ZNF516: variants seen among roughly 807,000 people sequenced by gnomAD.
ZNF516 encodes the protein zinc finger protein 516.
Under a neutral mutation model 79.7 loss-of-function variants are expected in ZNF516, and 19 were observed. That is an observed-to-expected ratio of 0.24 (90% CI 0.17 to 0.35). The LOEUF is 0.35. ZNF516 is among the 10% of genes least tolerant of loss of function. The pLI, the probability that ZNF516 is intolerant of heterozygous loss-of-function variation, is 1.00. For synonymous variants in ZNF516, 877 were observed against 739.5 expected, an observed-to-expected ratio of 1.19 and a Z score of -3.02; for missense variants, 1,678 against 1,679.5, an observed-to-expected ratio of 1.00 and a Z score of 0.02.
chr18:76,494,347 A>C (rs1599178784), intron 1 of ZNF516, among the ~76,000 whole-genome samples: 2 of 119,584 alleles, frequency 1.7e-5, no homozygotes, highest in African/African-American at 6.5e-5. Context: ...TCCTTCATAC[A>C]CCCGGGTTCA....
At chr18:76,415,513 G>A (rs1300985017) in intron 3 of ZNF516, among the ~76,000 whole-genome samples, 2 of 152,132 alleles carry the variant, frequency 1.3e-5, no homozygotes, top group African/African-American at 4.8e-5. Flanking sequence ...GTGCAAAGAG[G>A]GCACAGCCAG....
At chr18:76,495,865 C>T (rs569976303), upstream of ZNF516, 69 of 556,200 alleles carry the variant, frequency 1.2e-4, no homozygotes, top group South Asian at 1.8e-3. Flanking sequence ...TGTTCAGATG[C>T]AGGATCAATA....
chr18:76,456,030 G>A (rs1395323039), intron 2 of ZNF516, among the ~76,000 whole-genome samples: 1 of 152,206 alleles, frequency 6.6e-6, no homozygotes, highest in Non-Finnish European at 1.5e-5. Flanking sequence ...GGTATCGTCT[G>A]TAACTCAAGG....
intron 5 of ZNF516, 92 bp downstream of exon 5, chr18:76,371,375 G>T: frequency 7.7e-7 from 1 of 1,300,688 alleles, no homozygotes; most frequent in Non-Finnish European, 1.1e-6. Flanking sequence ...TGAAATCTCA[G>T]TATCTCCCTC....
intron 6 of ZNF516, among the ~76,000 whole-genome samples, chr18:76,367,739 G>A (rs543146995): frequency 6.6e-6 from 1 of 152,326 alleles, no homozygotes; most frequent in South Asian, 2.1e-4. Flanking sequence ...TTTTGAACCA[G>A]AGAAGCAGGA....
chr18:76,477,077 G>A (rs572389916), intron 1 of ZNF516, among the ~76,000 whole-genome samples: 12 of 152,294 alleles, frequency 7.9e-5, no homozygotes, highest in African/African-American at 2.9e-4. Context: ...CCAAAGCACT[G>A]TTTTTGCTGA....
chr18:76,380,444 G>C, intron 3 of ZNF516, 141 bp from the exon 4 acceptor site: 1 of 1,100,206 alleles, frequency 9.1e-7, no homozygotes. Flanking sequence ...GTGGCTCTTA[G>C]AAAACCCCTG....
chr18:76,465,861 G>C (rs1245959062), intron 1 of ZNF516, among the ~76,000 whole-genome samples: 1 of 152,316 alleles, frequency 6.6e-6, no homozygotes, highest in African/African-American at 2.4e-5. Context: ...GGAGCCATCA[G>C]GGACCAGCAG....
intron 3 of ZNF516, among the ~76,000 whole-genome samples, chr18:76,424,379 G>T (rs1464897539): frequency 2.7e-5 from 2 of 74,652 alleles, no homozygotes; most frequent in Non-Finnish European, 6.0e-5. Flanking sequence ...GCAGGTGAAA[G>T]GGTCCCCCCC....
intron 1 of ZNF516, among the ~76,000 whole-genome samples, chr18:76,483,865 C>G (rs865913560): frequency 6.6e-6 from 1 of 152,216 alleles, no homozygotes; most frequent in East Asian, 1.9e-4. Context: ...AGATTTTCCA[C>G]GTTCCTCCTT....
intron 3 of ZNF516, among the ~76,000 whole-genome samples, chr18:76,419,224 C>G (rs549714499): frequency 1.3e-5 from 2 of 152,286 alleles, no homozygotes; most frequent in South Asian, 4.1e-4. Flanking sequence ...AACAAAAGCT[C>G]AAATGTATTA....
At chr18:76,469,181 GA>G (rs1206824601) in intron 1 of ZNF516, among the ~76,000 whole-genome samples, 2 of 152,332 alleles carry the variant, frequency 1.3e-5, no homozygotes, top group East Asian at 3.8e-4. Context: ...TTTACTGGAA[GA>G]AAGTTTTTGC....
chr18:76,360,637 A>AAAAAAAAAT lies in ZNF516; in HGVS notation c.*1860_*1861insATTTTTTTT, dbSNP rs1156295923. On this transcript the variant is annotated 3_prime_UTR_variant, in exon 7 of 7. Transcript: ENST00000443185. ...GAATATCAGAAAAAAATAAGTAAAAAAAAAAAAAAATATATATATATATAT... is the reference window on the plus strand; with the variant it reads ...GAATATCAGAAAAAAATAAGTAAAAAAAAAAAAATAAAAAAAAAATATATATATATATAT... The AAAAAAAAAT allele has an allele frequency of 4.7e-5, 5 of 106,590 alleles. No individual in the cohort carries two copies. In the East Asian group the frequency reaches 7.1e-4, roughly 15 times the overall value. The allele number at this position is 106,590 out of a possible 1,614,324, so 6.6% of individuals were successfully genotyped here.
rs374836539 is a variant in ZNF516, at chr18:76,379,775, C to T, written c.2339G>A (p.Arg780His). Residue 780 changes from arginine (R) to histidine (H), a missense_variant, in exon 4 of 7, where the codon CGC becomes CAC. By Grantham distance (29) the Arg-to-His change is conservative. Transcript: ENST00000443185. ...GTTGCAGCTGACGCGGTGCCAGATGCGTTTGTGCATCCACAGGACCTCGGG... is the reference window on the plus strand; with the variant it reads ...GTTGCAGCTGACGCGGTGCCAGATGTGTTTGTGCATCCACAGGACCTCGGG... ...YYPEVLWMHKRIWHRVSCNSV... is the reference protein window; with the variant it reads ...YYPEVLWMHKHIWHRVSCNSV... 2.0e-5 allele frequency: 33 copies of T among 1,613,758 alleles called. No individual in the cohort carries two copies. The highest frequency in any genetic ancestry group is 1.6e-4 in the Middle Eastern group (1 of 6,084).
At position 76,383,832 on chromosome 18, in the gene ZNF516, G is replaced by A. The variant is rs143768518; in HGVS notation, c.1811-3529C>T. On this transcript the variant is annotated intron_variant, in intron 3 of 6. Transcript: ENST00000443185. Reference sequence around the variant, plus strand: ...ATCATCAGTAAGCCACAGAACAGACGGCTTCGCCCCTCGTCCCCGGCTCCT... The same window carrying A: ...ATCATCAGTAAGCCACAGAACAGACAGCTTCGCCCCTCGTCCCCGGCTCCT... Among the ~76,000 whole-genome samples, 269 of 152,338 alleles carry A rather than the reference G, an allele frequency of 1.8e-3. 2 individuals carry two copies. The highest frequency in any genetic ancestry group is 1.9e-3 in the Non-Finnish European group (127 of 68,036).
rs1486642836 is a variant in ZNF516 at position 76,441,837 on chromosome 18, C to A, written c.1218G>T (p.Arg406=). 1 of 1,568,994 alleles carries A rather than the reference C, an allele frequency of 6.4e-7. No homozygotes were observed. Among genetic ancestry groups the A allele is most frequent in the Non-Finnish European group, 8.6e-7 (1 of 1,164,374 alleles). Residue 406 remains arginine, a synonymous_variant, in exon 3 of 7, where the codon CGG becomes CGT. Coordinates refer to ENST00000443185, the MANE Select transcript of ZNF516 (RefSeq NM_014643.4). ...DSCPGTQAGR[R]VAELDPVNSY... ...TGTTGACCGGGTCCAGCTCAGCCAC[C>A]CGCCGTCCGGCCTGCGTGCCAGGGC...
At chr18:76,380,374 A>G in intron 3 of ZNF516, 71 bp from the exon 4 acceptor site, 3 of 1,547,926 alleles carry the variant, frequency 1.9e-6, no homozygotes, top group Non-Finnish European at 2.6e-6. Context: ...CACGGTGCGT[A>G]CAGCTACAGC....
intron 1 of ZNF516, among the ~76,000 whole-genome samples, chr18:76,478,861 G>A (rs1173883388): frequency 6.6e-6 from 1 of 152,146 alleles, no homozygotes; most frequent in Non-Finnish European, 1.5e-5. Flanking sequence ...TTCAAGACCA[G>A]CCTGGCCAAC....
intron 3 of ZNF516, among the ~76,000 whole-genome samples, chr18:76,435,284 G>A (rs1024523351): frequency 2.6e-5 from 4 of 152,250 alleles, no homozygotes; most frequent in African/African-American, 7.2e-5. Context: ...GAAGTCTAAC[G>A]CTTTTCACAG....
Sources: allele counts gnomAD v4.1 joint callset (sites outside exome capture counted in the v4.1 genomes callset), GRCh38; gene constraint gnomAD v4.1.1; transcripts MANE v1.5; gene names NCBI Gene and HGNC (gene_info 2026-07-23, HGNC 2026-07-21).